RELCH: variants seen among roughly 807,000 people sequenced by gnomAD.
RELCH encodes the protein RAB11 binding and LisH domain, coiled-coil and HEAT repeat containing.
RELCH carries 41 observed loss-of-function variants against 150.3 expected under a neutral mutation model. The ratio of observed to expected loss-of-function variants is 0.27; its 90% CI spans 0.21 to 0.35. The LOEUF (loss-of-function observed/expected upper bound fraction) is 0.35, where lower values mean the gene tolerates loss of function less well. Among genes scored for constraint, RELCH ranks in the 10% least tolerant of loss-of-function variants. RELCH has a pLI of 1.00. For missense variants in RELCH, 1,092 were observed against 1,467.8 expected, an observed-to-expected ratio of 0.74 and a Z score of 4.18; for synonymous variants, 478 against 531.8, an observed-to-expected ratio of 0.90 and a Z score of 1.39.
chr18:62,207,510 T>C (rs552605697), intron 1 of RELCH, among the ~76,000 whole-genome samples: 316 of 152,338 alleles, frequency 2.1e-3, no homozygotes, highest in African/African-American at 7.2e-3. Flanking sequence ...TCTCTTTAGG[T>C]GGAAGTAGAA....
chr18:62,267,770 G>A (rs535600453), intron 19 of RELCH, among the ~76,000 whole-genome samples: 10 of 151,660 alleles, frequency 6.6e-5, no homozygotes, highest in Non-Finnish European at 1.5e-4. Flanking sequence ...TAATTCTTGT[G>A]ATAAATTAGT....
chr18:62,281,013 C>G (rs781558928), intron 24 of RELCH, among the ~76,000 whole-genome samples: 1 of 152,152 alleles, frequency 6.6e-6, no homozygotes, highest in Non-Finnish European at 1.5e-5. Flanking sequence ...GCCAGTAAAG[C>G]CCCTTCCTCT....
chr18:62,224,191 T>G (rs557074369), intron 5 of RELCH, among the ~76,000 whole-genome samples: 1 of 152,122 alleles, frequency 6.6e-6, no homozygotes, highest in Non-Finnish European at 1.5e-5. Flanking sequence ...ATTGTTCAAT[T>G]CCCACCTGTG....
rs539055675 is a variant in RELCH at position 62,229,518 on chromosome 18, G to GTGTGTGTGTGTC, written c.1448+923_1448+924insGTGTGTGTCTGT. The stretch of plus-strand genomic sequence containing the variant: ...TGTGTGTGTGTGTGTGTGTGTGTGT[G>GTGTGTGTGTGTC]TGTCTGTCTGTCTGTCTGTCTGTGT... On this transcript the variant is annotated intron_variant, in intron 8 of 28. Transcript: ENST00000644646. Among the ~76,000 whole-genome samples, 242 of 147,716 alleles carry GTGTGTGTGTGTC rather than the reference G, an allele frequency of 1.6e-3. 2 individuals are homozygous for GTGTGTGTGTGTC. In the East Asian group the frequency reaches 0.027, roughly 16 times the overall value.
chr18:62,217,591 T>A (rs75389982), intron 2 of RELCH, among the ~76,000 whole-genome samples: 1 of 151,980 alleles, frequency 6.6e-6, no homozygotes, highest in Admixed American at 6.6e-5. Context: ...AATCCATAGA[T>A]AATATTGAAC....
chr18:62,296,608 G>C (rs2045423259), intron 27 of RELCH, among the ~76,000 whole-genome samples: 1 of 151,972 alleles, frequency 6.6e-6, no homozygotes, highest in Non-Finnish European at 1.5e-5. Context: ...AGTTATGATT[G>C]GGGATTGTCT....
chr18:62,189,467 G>A (rs554035694), intron 1 of RELCH, among the ~76,000 whole-genome samples: 3 of 151,914 alleles, frequency 2.0e-5, no homozygotes, highest in Non-Finnish European at 2.9e-5. Context: ...TGTGATTGTT[G>A]ACAATACCAT....
intron 10 of RELCH, among the ~76,000 whole-genome samples, chr18:62,240,251 G>A (rs76600051): frequency 0.014 from 2,054 of 151,728 alleles, 22 homozygotes; most frequent in Non-Finnish European, 0.02. Flanking sequence ...TTCTTCAGTC[G>A]TTTCTACTCC....
At chr18:62,221,676 C>A (rs2040883985) in intron 5 of RELCH, among the ~76,000 whole-genome samples, 179 bp downstream of exon 5, 1 of 150,168 alleles carries the variant, frequency 6.7e-6, no homozygotes, top group Non-Finnish European at 1.5e-5. Flanking sequence ...AGACTTTATT[C>A]TTTCCCTGTT....
chr18:62,187,532 T>C lies in RELCH; in HGVS notation c.27T>C (p.Ser9=). 6.6e-7 allele frequency: 1 copy of C among 1,514,676 alleles called. No homozygotes were observed. Among genetic ancestry groups the C allele is most frequent in the Non-Finnish European group, 8.8e-7 (1 of 1,131,412 alleles). 93.8% of individuals were successfully genotyped at this position (1,514,676 alleles called of 1,614,324 possible). Residue 9 remains serine, a synonymous_variant, in exon 1 of 29, where the codon AGT becomes AGC. Coordinates refer to ENST00000644646, the MANE Select transcript of RELCH (RefSeq NM_001346231.2). The part of the protein sequence containing the change: MAAMAPGG[S]GSGGGVNPFL... ...TGGCGGCGATGGCGCCTGGAGGTAGTGGCAGTGGTGGCGGCGTGAATCCAT... is the reference window on the plus strand; with the variant it reads ...TGGCGGCGATGGCGCCTGGAGGTAGCGGCAGTGGTGGCGGCGTGAATCCAT...
intron 1 of RELCH, among the ~76,000 whole-genome samples, chr18:62,204,254 G>A (rs570543725): frequency 2.1e-3 from 317 of 152,170 alleles, no homozygotes; most frequent in African/African-American, 7.2e-3. Context: ...TTGGAGAAAA[G>A]TAGTTAGATT....
rs1339987037 is a variant in RELCH, at chr18:62,292,607, C to A, written c.3459+976C>A. Among the ~76,000 whole-genome samples, 3 of 152,292 alleles carry A rather than the reference C, an allele frequency of 2.0e-5. No homozygotes were observed. In the East Asian group the frequency reaches 5.8e-4, roughly 29 times the overall value. On this transcript the variant is annotated intron_variant, in intron 27 of 28. Transcript: ENST00000644646. ...CCATCTGTCTATTCCACCTGCATGT[C>A]CTACAGGCATCATTTAAAATTCAGC...
At chr18:62,264,371 C>T (rs770097524) in intron 17 of RELCH, among the ~76,000 whole-genome samples, 3 of 151,958 alleles carry the variant, frequency 2.0e-5, no homozygotes, top group Admixed American at 6.6e-5. Flanking sequence ...TTTGTCCAAT[C>T]GTGGTGATGG....
chr18:62,293,251 T>C (rs1225429393), intron 27 of RELCH, among the ~76,000 whole-genome samples: 1 of 152,114 alleles, frequency 6.6e-6, no homozygotes, highest in Non-Finnish European at 1.5e-5. Flanking sequence ...AAAACCAAAA[T>C]GATATATTAA....
intron 10 of RELCH, among the ~76,000 whole-genome samples, chr18:62,236,152 C>G (rs1027138639): frequency 2.0e-5 from 3 of 151,972 alleles, no homozygotes; most frequent in African/African-American, 7.2e-5. Flanking sequence ...GCTAAATATT[C>G]TTATCATAAA....
At chr18:62,192,962 T>C (rs2148178986) in intron 1 of RELCH, among the ~76,000 whole-genome samples, 1 of 152,368 alleles carries the variant, frequency 6.6e-6, no homozygotes, top group African/African-American at 2.4e-5. Context: ...AATCTATAAA[T>C]TACTTTGGGC....
In RELCH at chr18:62,224,455, C is replaced by T. The variant is rs148546753; in HGVS notation, c.859-2834C>T. Among the ~76,000 whole-genome samples, 4 of 152,154 alleles carry T rather than the reference C, an allele frequency of 2.6e-5. No individual in the cohort carries two copies. In the East Asian group the frequency reaches 7.7e-4, roughly 29 times the overall value. On this transcript the variant is annotated intron_variant, in intron 5 of 28. Transcript: ENST00000644646. ...AAGGCAAGAAAAAGTAATTCAAGCA[C>T]ACATTTTGGAAAGGAAGAAATAACA... is the stretch of plus-strand genomic sequence containing the variant.
chr18:62,281,164 A>G (rs2044495373), intron 24 of RELCH, among the ~76,000 whole-genome samples: 1 of 152,190 alleles, frequency 6.6e-6, no homozygotes, highest in Non-Finnish European at 1.5e-5. Context: ...TTGTAAGCTG[A>G]GCTGGATGTT....
Position 62,221,386 on chromosome 18 carries a change from G to C in RELCH, c.747G>C (p.Glu249Asp), listed in dbSNP as rs2040861206. 6.3e-7 allele frequency: 1 copy of C among 1,594,780 alleles called. No individual in the cohort carries two copies. Among genetic ancestry groups the C allele is most frequent in the African/African-American group, 1.3e-5 (1 of 74,454 alleles). ...TTTGCCTCTTATTTTGCTTCCAGGA[G>C]CCAATCAAACCTCTTGAAAAGAGAG... The part of the protein sequence containing the change: ...KNYKSSPEIQ[E>D]PIKPLEKRAL... The change falls in exon 5 of 29, where the codon GAG becomes GAC. Residue 249 changes from glutamate to aspartate, a missense_variant and splice_region_variant. Physicochemically the swap from Glu to Asp is conservative, Grantham distance 45. Around this residue, in one of 4 missense-constraint regions of RELCH, gnomAD observed 190 missense variants for 276.2 expected, o/e 0.69. Coordinates refer to ENST00000644646, the MANE Select transcript of RELCH (RefSeq NM_001346231.2).
Sources: gnomAD v4.1 joint callset for allele counts (sites outside exome capture counted in the v4.1 genomes callset) on GRCh38, gnomAD v4.1.1 for gene constraint, gnomAD v4.1.1 regional missense constraint, MANE v1.5 for transcripts, NCBI Gene and HGNC (gene_info 2026-07-23, HGNC 2026-07-21) for gene names.